The following HCRTR2 variants were observed in gnomAD, a reference collection of about 807,000 sequenced individuals.
HCRTR2 encodes the protein hypocretin receptor 2.
In HCRTR2, 22 loss-of-function variants were observed where a neutral mutation model predicts 49.0. That is an observed-to-expected ratio of 0.45 (90% CI 0.32 to 0.64). The LOEUF is 0.64. Ranked by LOEUF, HCRTR2 falls within the 30% of genes least tolerant of loss-of-function variation. The probability of loss-of-function intolerance (pLI) is 0.04; values close to 1 mark genes in which losing one functional copy is unlikely to be tolerated. For missense variants in HCRTR2, 491 were observed against 559.4 expected, an observed-to-expected ratio of 0.88 and a Z score of 1.23; for synonymous variants, 236 against 205.3, an observed-to-expected ratio of 1.15 and a Z score of -1.28.
intron 2 of HCRTR2, among the ~76,000 whole-genome samples, chr6:55,250,208 G>A (rs1766522766): frequency 6.6e-6 from 1 of 152,096 alleles, no homozygotes; most frequent in Admixed American, 6.6e-5. Context: ...TGAAAATCAT[G>A]AATGGATTAC....
intron 1 of HCRTR2, among the ~76,000 whole-genome samples, chr6:55,200,413 C>T (rs1296765152): frequency 6.6e-6 from 1 of 151,910 alleles, no homozygotes; most frequent in African/African-American, 2.4e-5. Flanking sequence ...TACAGGCGCA[C>T]ACCACCACAC....
Position 55,174,760 on chromosome 6 carries a change from T to C in HCRTR2, c.173T>C (p.Ile58Thr), listed in dbSNP as rs760262376. ...LHPKEYEWVL[I>T]AGYIIVFVVA... ...CCGAAAGAATATGAGTGGGTCCTGATCGCCGGGTACATCATCGTGTTCGTC... is the reference window on the plus strand; with the variant it reads ...CCGAAAGAATATGAGTGGGTCCTGACCGCCGGGTACATCATCGTGTTCGTC... Residue 58 changes from isoleucine to threonine, a missense_variant, in exon 1 of 7, where the codon ATC becomes ACC. Physicochemically the swap from Ile to Thr is moderately conservative, Grantham distance 89. Coordinates refer to ENST00000370862, the MANE Select transcript of HCRTR2 (RefSeq NM_001384272.1). 1.9e-6 allele frequency: 3 copies of C among 1,614,010 alleles called. No homozygotes were observed. The highest frequency in any genetic ancestry group is 2.5e-6 in the Non-Finnish European group (3 of 1,179,990).
intron 1 of HCRTR2, among the ~76,000 whole-genome samples, chr6:55,143,792 T>A (rs1312462925): frequency 1.3e-5 from 2 of 152,220 alleles, no homozygotes; most frequent in African/African-American, 4.8e-5. Flanking sequence ...GGATCACTTA[T>A]GTACTGTGGG....
chr6:55,121,384 T>C (rs12661924), intron 1 of HCRTR2, among the ~76,000 whole-genome samples: 46,654 of 152,030 alleles, frequency 0.31, 9,262 homozygotes, highest in East Asian at 0.79. Context: ...GCTGAGATGA[T>C]GGGATTTTCT....
At chr6:55,196,460 C>A (rs999723864) in intron 1 of HCRTR2, among the ~76,000 whole-genome samples, 1 of 152,198 alleles carries the variant, frequency 6.6e-6, no homozygotes, top group Non-Finnish European at 1.5e-5. Context: ...TGCCTAAGAT[C>A]TTTCCCTTTG....
chr6:55,246,593 T>C (rs1376746720), intron 1 of HCRTR2, among the ~76,000 whole-genome samples: 1 of 152,074 alleles, frequency 6.6e-6, no homozygotes, highest in Non-Finnish European at 1.5e-5. Context: ...TAGCTTCCTT[T>C]TCATTTTCTG....
At chr6:55,153,855 T>A (rs1183728951) in intron 1 of HCRTR2, among the ~76,000 whole-genome samples, 1 of 151,778 alleles carries the variant, frequency 6.6e-6, no homozygotes, top group Non-Finnish European at 1.5e-5. Context: ...AAAACTACAA[T>A]GTACTTTTTT....
intron 2 of HCRTR2, among the ~76,000 whole-genome samples, chr6:55,249,104 T>C (rs929145451): frequency 6.6e-6 from 1 of 152,070 alleles, no homozygotes; most frequent in Non-Finnish European, 1.5e-5. Context: ...CTTTTTTTAT[T>C]CCAAATTTGA....
rs114490677 is a variant in HCRTR2, at chr6:55,198,681, T to A, written c.223+23871T>A. On this transcript the variant is annotated intron_variant, in intron 1 of 6. Coordinates refer to ENST00000370862, the MANE Select transcript of HCRTR2 (RefSeq NM_001384272.1). ...GAATTATTGTATTATCCAGAGTTTGTCCTGCTGCAAATGATAAAACACTGA... is the reference window on the plus strand; with the variant it reads ...GAATTATTGTATTATCCAGAGTTTGACCTGCTGCAAATGATAAAACACTGA... Among the ~76,000 whole-genome samples the A allele has an allele frequency of 4.2e-3, 635 of 152,308 alleles. 5 individuals are homozygous for A. Among genetic ancestry groups the A allele is most frequent in the African/African-American group, 0.013 (540 of 41,558 alleles).
chr6:55,217,149 G>T (rs182429873), intron 1 of HCRTR2, among the ~76,000 whole-genome samples: 2 of 152,176 alleles, frequency 1.3e-5, no homozygotes, highest in East Asian at 3.9e-4. Flanking sequence ...GAGTACCCTG[G>T]GCCTGTCCCC....
chr6:55,248,824 G>T lies in HCRTR2; in HGVS notation c.402+7G>T, dbSNP rs1451616982. ...AGTGATTCCTTATCTACAGGTAATT[G>T]TTTTTAATGCTTTTTTGAAGCTACT... is the stretch of plus-strand genomic sequence containing the variant. On this transcript the variant is annotated splice_region_variant and intron_variant, in intron 2 of 6. Transcript: ENST00000370862. The T allele has an allele frequency of 6.2e-7, 1 of 1,610,856 alleles. No homozygotes were observed. Among genetic ancestry groups the T allele is most frequent in the Admixed American group, 1.7e-5 (1 of 59,924 alleles).
chr6:55,189,496 G>C (rs1765279862), intron 1 of HCRTR2, among the ~76,000 whole-genome samples: 1 of 152,168 alleles, frequency 6.6e-6, no homozygotes, highest in Non-Finnish European at 1.5e-5. Context: ...TAAATTTTCT[G>C]CCAAAGAAAG....
chr6:55,148,394 A>C (rs1437610580), intron 1 of HCRTR2, among the ~76,000 whole-genome samples: 1 of 152,130 alleles, frequency 6.6e-6, no homozygotes, highest in Non-Finnish European at 1.5e-5. Flanking sequence ...CACATTATTC[A>C]TCTAAAATTC....
rs118077268 is a variant in HCRTR2 at position 55,220,279 on chromosome 6, C to T, written c.224-28360C>T. ...TTTCAAACAAGCTACAGGCCACTAT[C>T]TCTGATGAATGTAAATGCAAAAGTT... On this transcript the variant is annotated intron_variant, in intron 1 of 6. Coordinates refer to ENST00000370862, the MANE Select transcript of HCRTR2 (RefSeq NM_001384272.1). Among the ~76,000 whole-genome samples the T allele has an allele frequency of 3.3e-4, 50 of 152,232 alleles. 1 individual carries two copies. The East Asian group carries it at 9.5e-3, about 29-fold the overall frequency.
chr6:55,153,422 C>T (rs1459154495), intron 1 of HCRTR2, among the ~76,000 whole-genome samples: 1 of 151,938 alleles, frequency 6.6e-6, no homozygotes, highest in Admixed American at 6.6e-5. Flanking sequence ...ATATTATAGA[C>T]AATTGTGTAA....
intron 1 of HCRTR2, among the ~76,000 whole-genome samples, chr6:55,221,557 T>C (rs1285051475): frequency 6.6e-6 from 1 of 152,132 alleles, no homozygotes; most frequent in African/African-American, 2.4e-5. Flanking sequence ...CTCACGCCTG[T>C]AATCCCAGCA....
At chr6:55,245,469 T>TATATATATATATATATATATATATATATA (rs1562020342) in intron 1 of HCRTR2, among the ~76,000 whole-genome samples, 1 of 56,800 alleles carries the variant, frequency 1.8e-5, no homozygotes, top group African/African-American at 5.7e-5. Flanking sequence ...TAGGAAGATT[T>TATATATATATATATATATATATATATATA]TATATATATA....
intron 1 of HCRTR2, among the ~76,000 whole-genome samples, chr6:55,157,144 A>G (rs1299225502): frequency 6.6e-6 from 1 of 152,190 alleles, no homozygotes; most frequent in Non-Finnish European, 1.5e-5. Flanking sequence ...ACACACTCAC[A>G]ACTACCAGAG....
chr6:55,225,872 T>A (rs560136359), intron 1 of HCRTR2, among the ~76,000 whole-genome samples: 30 of 152,212 alleles, frequency 2.0e-4, no homozygotes, highest in Non-Finnish European at 4.3e-4. Context: ...TATATAAGGA[T>A]CTTTATACTT....
Sources: allele counts gnomAD v4.1 joint callset (sites outside exome capture counted in the v4.1 genomes callset), GRCh38; gene constraint gnomAD v4.1.1; transcripts MANE v1.5; gene names NCBI Gene and HGNC (gene_info 2026-07-23, HGNC 2026-07-21).